The following PPM1D variants were observed in gnomAD, a reference collection of about 807,000 sequenced individuals.
PPM1D encodes protein phosphatase 1D.
In PPM1D, 52 loss-of-function variants were observed where a neutral mutation model predicts 58.3. The observed-to-expected ratio is 0.89, with a 90% CI of 0.71 to 1.12. The LOEUF is 1.12. Ranked by LOEUF, PPM1D falls within the 50% of genes most tolerant of loss-of-function variation. PPM1D has a pLI of 0.00. For missense variants in PPM1D, 564 were observed against 777.2 expected (o/e 0.73, Z 3.26); for synonymous variants, 278 against 285.1 (o/e 0.98, Z 0.25).
At chr17:60,632,199 CA>C (rs538500335) in intron 2 of PPM1D, among the ~76,000 whole-genome samples, 68 of 139,992 alleles carry the variant, frequency 4.9e-4, no homozygotes, top group Non-Finnish European at 7.2e-4. Flanking sequence ...GTCTCAAAAA[CA>C]AAAAAAAAAA....
chr17:60,600,947 C>T, intron 1 of PPM1D, 61 bp downstream of exon 1: 1 of 1,601,732 alleles, frequency 6.2e-7, no homozygotes, highest in East Asian at 2.2e-5. Flanking sequence ...GCTTTTATGG[C>T]ACCAGCCCCG....
In PPM1D at chr17:60,600,870, C is replaced by T. The variant is rs149400522; in HGVS notation, c.456C>T (p.Ala152=). The change falls in exon 1 of 6, where the codon GCC becomes GCT. Residue 152 remains alanine (A), a synonymous_variant. Transcript: ENST00000305921. ...AAGGCTTTCTCGCTTGTCACCTTGCCATGTGGAAGAAACTGGGTAAGTTCC... is the reference window on the plus strand; with the variant it reads ...AAGGCTTTCTCGCTTGTCACCTTGCTATGTGGAAGAAACTGGGTAAGTTCC... ...IRKGFLACHL[A]MWKKLAEWPK... The T allele has an allele frequency of 6.7e-3, 10,745 of 1,613,090 alleles. 51 individuals carry two copies. The highest frequency in any genetic ancestry group is 0.025 in the Middle Eastern group (154 of 6,058).
Position 60,647,879 on chromosome 17 carries a change from T to C in PPM1D, c.827-13T>C. 6.2e-7 allele frequency: 1 copy of C among 1,602,220 alleles called. No individual in the cohort carries two copies. Among genetic ancestry groups the C allele is most frequent in the Non-Finnish European group, 8.5e-7 (1 of 1,170,874 alleles). On this transcript the variant is annotated splice_polypyrimidine_tract_variant and intron_variant, in intron 3 of 5. Transcript: ENST00000305921. ...AACTAATACTTCTTGCTTTTTCTGC[T>C]CCCTTCCCCCAGGTGATTTGTGGAG...
intron 3 of PPM1D, among the ~76,000 whole-genome samples, chr17:60,644,244 A>G (rs988673556): frequency 6.6e-6 from 1 of 152,074 alleles, no homozygotes; most frequent in African/African-American, 2.4e-5. Context: ...ACAAAACCCT[A>G]GGGAATTGTT....
chr17:60,640,208 G>A (rs977646154), intron 3 of PPM1D, among the ~76,000 whole-genome samples: 7 of 152,136 alleles, frequency 4.6e-5, no homozygotes, highest in African/African-American at 1.7e-4. Flanking sequence ...TTACTCAGGA[G>A]GCTTTGGTTG....
rs145110955 is a variant in PPM1D at position 60,614,625 on chromosome 17, A to G, written c.473-8896A>G. Among the ~76,000 whole-genome samples the G allele has an allele frequency of 7.2e-5, 11 of 152,240 alleles. No individual in the cohort carries two copies. The South Asian group carries it at 1.2e-3, about 17-fold the overall frequency. ...AAGCTTAGTTCTTTTGCCCTTTGCA[A>G]TAAATCTTGCTGCTGCTCACTGGGT... is the stretch of plus-strand genomic sequence containing the variant. On this transcript the variant is annotated intron_variant, in intron 1 of 5. Transcript: ENST00000305921.
chr17:60,614,498 G>C (rs1350958133), intron 1 of PPM1D, among the ~76,000 whole-genome samples: 1 of 152,178 alleles, frequency 6.6e-6, no homozygotes, highest in Non-Finnish European at 1.5e-5. Context: ...TCAGCTCTCT[G>C]TAAAATGGAC....
rs1396306092 is a variant in PPM1D, at chr17:60,623,705, A to G, written c.657A>G (p.Pro219=). 1.9e-6 allele frequency: 3 copies of G among 1,614,246 alleles called. No individual in the cohort carries two copies. In the South Asian group the frequency reaches 3.3e-5, roughly 18 times the overall value. Residue 219 remains proline (P), a synonymous_variant, in exon 2 of 6, where the codon CCA becomes CCG. Transcript: ENST00000305921. ...RAVEVTQDHK[P]ELPKERERIE... is the part of the protein sequence containing the mutation. ...TGGAGGTGACACAGGACCATAAGCCAGAACTTCCCAAGGAAAGAGAACGAA... is the reference window on the plus strand; with the variant it reads ...TGGAGGTGACACAGGACCATAAGCCGGAACTTCCCAAGGAAAGAGAACGAA...
intron 4 of PPM1D, among the ~76,000 whole-genome samples, chr17:60,652,161 C>A (rs533443349): frequency 6.6e-6 from 1 of 152,192 alleles, no homozygotes; most frequent in African/African-American, 2.4e-5. Flanking sequence ...ACTACCCTTC[C>A]TGGCTTCTTG....
intron 1 of PPM1D, among the ~76,000 whole-genome samples, chr17:60,615,891 A>G (rs1195791262): frequency 6.6e-6 from 1 of 152,020 alleles, no homozygotes; most frequent in Non-Finnish European, 1.5e-5. Flanking sequence ...CACGGGTTCA[A>G]TCACAGTGCA....
At chr17:60,639,626 C>CG (rs1567972848) in intron 3 of PPM1D, among the ~76,000 whole-genome samples, 1 of 152,026 alleles carries the variant, frequency 6.6e-6, no homozygotes, top group East Asian at 1.9e-4. Flanking sequence ...TTAGTACAGA[C>CG]GGGGTTTCAC....
intron 3 of PPM1D, among the ~76,000 whole-genome samples, chr17:60,642,492 C>T (rs1207531105): frequency 6.6e-6 from 1 of 151,478 alleles, no homozygotes; most frequent in Admixed American, 6.6e-5. Flanking sequence ...TGGTGTCTTG[C>T]TCTGTCACCA....
chr17:60,647,693 A>G (rs1215010230), intron 3 of PPM1D, among the ~76,000 whole-genome samples, 199 bp from the exon 4 acceptor site: 1 of 152,198 alleles, frequency 6.6e-6, no homozygotes, highest in Non-Finnish European at 1.5e-5. Context: ...ATTCTGGTGG[A>G]TATACTTTAT....
At position 60,663,199 on chromosome 17, in the gene PPM1D, TC is replaced by T. The variant is rs775095677; in HGVS notation, c.1466del (p.Ser489PhefsTer2). 6.2e-7 allele frequency: 1 copy of T among 1,614,138 alleles called. No homozygotes were observed. The highest frequency in any genetic ancestry group is 8.5e-7 in the Non-Finnish European group (1 of 1,179,984). ...AGCCCTGACTTTAAGGATACATGAT[TC>T]TTTGAATAATAGCCTTCCAATTGGC... ...AKALTLRIHD[S>X]LNNSLPIGLV... On this transcript the variant is annotated frameshift_variant, in exon 6 of 6. Transcript: ENST00000305921. LOFTEE classifies it high-confidence loss of function.
intron 3 of PPM1D, among the ~76,000 whole-genome samples, chr17:60,647,397 A>C (rs1193971793): frequency 1.3e-5 from 2 of 152,184 alleles, no homozygotes; most frequent in Non-Finnish European, 2.9e-5. Flanking sequence ...TCATATAGAA[A>C]TACGTTGACT....
At chr17:60,644,130 C>T (rs921862715) in intron 3 of PPM1D, among the ~76,000 whole-genome samples, 2 of 151,912 alleles carry the variant, frequency 1.3e-5, no homozygotes, top group East Asian at 1.9e-4. Context: ...CCACCTGCCT[C>T]GGCCTCCCAA....
chr17:60,642,884 G>C (rs1271088505), intron 3 of PPM1D, among the ~76,000 whole-genome samples: 5 of 151,044 alleles, frequency 3.3e-5, no homozygotes, highest in African/African-American at 1.2e-4. Context: ...GGCTAACACA[G>C]TGAAACCCCC....
At chr17:60,611,233 C>T (rs1770425130) in intron 1 of PPM1D, among the ~76,000 whole-genome samples, 1 of 152,122 alleles carries the variant, frequency 6.6e-6, no homozygotes, top group South Asian at 2.1e-4. Context: ...GTTGGCTAGG[C>T]TAGTCTTGAA....
intron 2 of PPM1D, among the ~76,000 whole-genome samples, chr17:60,629,848 G>A (rs2030884199): frequency 6.6e-6 from 1 of 152,106 alleles, no homozygotes; most frequent in Admixed American, 6.6e-5. Flanking sequence ...GACAAGCCGG[G>A]CCAACATGGC....
Sources: allele counts gnomAD v4.1 joint callset (sites outside exome capture counted in the v4.1 genomes callset), GRCh38; gene constraint gnomAD v4.1.1; transcripts MANE v1.5; gene names NCBI Gene and HGNC (gene_info 2026-07-23, HGNC 2026-07-21).